Variants in BEST3 observed in about 807,000 individuals in gnomAD.
BEST3 encodes bestrophin-3.
In BEST3, 50 loss-of-function variants were observed where a neutral mutation model predicts 47.1. The observed-to-expected ratio is 1.06, with a 90% CI of 0.85 to 1.34. The LOEUF is 1.34. Among genes scored for constraint, BEST3 ranks in the 40% most tolerant of loss-of-function variants. BEST3 has a pLI of 0.00. For synonymous variants in BEST3, 282 were observed against 298.8 expected, an observed-to-expected ratio of 0.94 and a Z score of 0.58; for missense variants, 765 against 817.0, an observed-to-expected ratio of 0.94 and a Z score of 0.78.
intron 9 of BEST3, chr12:69,670,476 G>T (rs547657191): frequency 1.4e-6 from 1 of 702,932 alleles, no homozygotes; most frequent in Non-Finnish European, 2.6e-6. Context: ...GTCTGGAAAG[G>T]TTTTCAGCCT....
chr12:69,695,625 G>C (rs1886103887), intron 2 of BEST3, among the ~76,000 whole-genome samples: 1 of 152,168 alleles, frequency 6.6e-6, no homozygotes, highest in Admixed American at 6.5e-5. Context: ...GGTCAAAGAG[G>C]ATTTAAATGT....
chr12:69,664,061 C>T (rs1157317645), intron 9 of BEST3, among the ~76,000 whole-genome samples: 2 of 152,198 alleles, frequency 1.3e-5, no homozygotes, highest in Non-Finnish European at 2.9e-5. Flanking sequence ...ATGCTCAAGA[C>T]TGGCATATTT....
At position 69,654,630 on chromosome 12, in the gene BEST3, A is replaced by G. The variant is rs1883343955; in HGVS notation, c.*277T>C. 10 of 1,163,828 alleles carry G rather than the reference A, an allele frequency of 8.6e-6. No individual in the cohort carries two copies. The highest frequency in any genetic ancestry group is 8.2e-5 in the Admixed American group (2 of 24,306). The allele number at this position is 1,163,828 out of a possible 1,614,324, so 72.1% of individuals were successfully genotyped here. ...TTTATAAGTCATGTATGTTTTTCAG[A>G]TTCCTTTTTTTGGTTAAGACTTATT... On this transcript the variant is annotated 3_prime_UTR_variant, in exon 10 of 10. Coordinates refer to ENST00000330891, the MANE Select transcript of BEST3 (RefSeq NM_032735.3).
chr12:69,663,753 C>G (rs927520045), intron 9 of BEST3, among the ~76,000 whole-genome samples: 1 of 152,060 alleles, frequency 6.6e-6, no homozygotes, highest in Non-Finnish European at 1.5e-5. Flanking sequence ...CCTAGGAGTT[C>G]GAGGCTGCAG....
At chr12:69,698,279 T>C (rs966109077) in intron 1 of BEST3, among the ~76,000 whole-genome samples, 2 of 152,196 alleles carry the variant, frequency 1.3e-5, no homozygotes, top group African/African-American at 4.8e-5. Flanking sequence ...ATGGTGCAGT[T>C]TCCCCATGAC....
At chr12:69,674,168 C>T (rs1884756496) in intron 7 of BEST3, among the ~76,000 whole-genome samples, 1 of 151,988 alleles carries the variant, frequency 6.6e-6, no homozygotes, top group South Asian at 2.1e-4. Context: ...AAAATAAAGG[C>T]ACCATGTGAT....
chr12:69,695,810 AT>A (rs1271860875), intron 2 of BEST3, among the ~76,000 whole-genome samples: 3 of 152,220 alleles, frequency 2.0e-5, no homozygotes, highest in Non-Finnish European at 4.4e-5. Flanking sequence ...TAAATAATAT[AT>A]GTATACATAT....
chr12:69,666,873 T>C (rs936084562), intron 9 of BEST3, among the ~76,000 whole-genome samples: 2 of 152,176 alleles, frequency 1.3e-5, no homozygotes, highest in African/African-American at 4.8e-5. Context: ...TCCTTCTCCT[T>C]TCTTGAATCT....
chr12:69,651,903 T>G (rs1291804273), downstream of BEST3, among the ~76,000 whole-genome samples: 2 of 152,308 alleles, frequency 1.3e-5, no homozygotes, highest in African/African-American at 4.8e-5. Flanking sequence ...ATCTTTACTT[T>G]CATGGCAAAT....
chr12:69,662,123 G>C (rs1174345936), intron 9 of BEST3, among the ~76,000 whole-genome samples: 1 of 152,306 alleles, frequency 6.6e-6, no homozygotes, highest in East Asian at 1.9e-4. Context: ...TCACATCACA[G>C]TATGAAAGAA....
chr12:69,672,779 C>G (rs1402968170), intron 8 of BEST3, 106 bp downstream of exon 8: 1 of 780,330 alleles, frequency 1.3e-6, no homozygotes, highest in African/African-American at 1.7e-5. Context: ...TCATTTGTGG[C>G]TAAAGCTCTG....
At chr12:69,669,442 A>G (rs1884429045) in intron 9 of BEST3, among the ~76,000 whole-genome samples, 1 of 152,182 alleles carries the variant, frequency 6.6e-6, no homozygotes, top group Admixed American at 6.5e-5. Flanking sequence ...AGGCCATTTT[A>G]GTTGGAGGAC....
chr12:69,646,495 C>G (rs964577745), intron 9 of BEST3, among the ~76,000 whole-genome samples: 26 of 151,686 alleles, frequency 1.7e-4, no homozygotes, highest in Middle Eastern at 3.2e-3. Context: ...CCTGGAGATG[C>G]ACTGGTTGAA....
Position 69,694,457 on chromosome 12 carries a change from G to A in BEST3, c.160C>T (p.Leu54Phe). Residue 54 changes from leucine (L) to phenylalanine (F), a missense_variant, in exon 3 of 10, where the codon CTT (leucine) becomes TTT (phenylalanine). By Grantham distance (22) the Leu-to-Phe change is conservative. Transcript: ENST00000330891. The stretch of plus-strand genomic sequence containing the variant: ...AAGTAACGTTTTTGGACTCCTGTAA[G>A]TAACAATCTGGAGCAAAAATAAAAT... ...TAISLVYRLL[L>F]TGVQKRYFEK... 1 of 1,589,978 alleles carries A rather than the reference G, an allele frequency of 6.3e-7. No individual in the cohort carries two copies. The highest frequency in any genetic ancestry group is 1.1e-5 in the South Asian group (1 of 88,746).
chr12:69,664,719 T>C (rs987860232), intron 9 of BEST3, among the ~76,000 whole-genome samples: 1 of 147,962 alleles, frequency 6.8e-6, no homozygotes. Flanking sequence ...ATATATAATA[T>C]AAAAAATCAA....
In BEST3 at chr12:69,648,397, C is replaced by G. The variant is rs1372838551; in HGVS notation, c.1101-4610G>C. 2.0e-5 allele frequency among the ~76,000 whole-genome samples: 3 copies of G among 152,124 alleles called. No individual in the cohort carries two copies. In the East Asian group the frequency reaches 5.8e-4, roughly 29 times the overall value. On this transcript the variant is annotated intron_variant, in intron 9 of 9. Transcript: ENST00000331471. ...TAAGTGAAAAATAAACAGATGAGAC[C>G]TATACTACAAAAGCATTTGCACACA...
intron 4 of BEST3, among the ~76,000 whole-genome samples, chr12:69,685,255 T>C (rs2136014023): frequency 6.6e-6 from 1 of 152,244 alleles, no homozygotes; most frequent in Admixed American, 6.5e-5. Context: ...GTCCATAAAT[T>C]AGTATCCCAT....
chr12:69,654,948 T>G lies in BEST3; in HGVS notation c.1966A>C (p.Ile656Leu). The change falls in exon 10 of 10, where the codon ATC becomes CTC. Residue 656 changes from isoleucine (I) to leucine (L), a missense_variant. Physicochemically the swap from Ile to Leu is conservative, Grantham distance 5 (BLOSUM62 2). Coordinates refer to ENST00000330891, the MANE Select transcript of BEST3 (RefSeq NM_032735.3). ...MENLDTKETD[I>L]IELNKETEES... is the part of the protein sequence containing the mutation. Reference sequence around the variant, plus strand: ...TCAGTTTCCTTGTTCAGCTCTATGATATCTGTTTCCTTGGTGTCCAGGTTT... The same window carrying G: ...TCAGTTTCCTTGTTCAGCTCTATGAGATCTGTTTCCTTGGTGTCCAGGTTT... 2 of 1,614,082 alleles carry G rather than the reference T, an allele frequency of 1.2e-6. No homozygotes were observed. Among genetic ancestry groups the G allele is most frequent in the Non-Finnish European group, 1.7e-6 (2 of 1,179,962 alleles).
chr12:69,671,082 C>A (rs1049515634), intron 9 of BEST3, among the ~76,000 whole-genome samples: 2 of 151,980 alleles, frequency 1.3e-5, no homozygotes, highest in Admixed American at 6.6e-5. Flanking sequence ...GAAAAAAATG[C>A]CAAAAAAGGT....
Sources: allele counts gnomAD v4.1 joint callset (sites outside exome capture counted in the v4.1 genomes callset), GRCh38; gene constraint gnomAD v4.1.1; transcripts MANE v1.5; gene names NCBI Gene and HGNC (gene_info 2026-07-23, HGNC 2026-07-21).